Variants in SORL1 observed in about 807,000 individuals in gnomAD.
The protein encoded by SORL1 is sortilin-related receptor.
A neutral mutation model predicts 273.7 loss-of-function variants in SORL1; 127 were observed. The observed-to-expected ratio is 0.46, with a 90% CI of 0.40 to 0.54. The LOEUF (loss-of-function observed/expected upper bound fraction) is 0.54. SORL1 is among the 20% of genes least tolerant of loss of function. The pLI, the probability that SORL1 is intolerant of heterozygous loss-of-function variation, is 0.00. For synonymous variants in SORL1, 1,031 were observed against 1,067.4 expected (o/e 0.97, Z 0.66); for missense variants, 2,494 against 2,846.1 (o/e 0.88, Z 2.81).
chr11:121,483,353 T>C (rs1167344389), intron 3 of SORL1, among the ~76,000 whole-genome samples: 1 of 152,228 alleles, frequency 6.6e-6, no homozygotes, highest in East Asian at 1.9e-4. Flanking sequence ...AGGTTGGTCC[T>C]AGGTAAAATT....
rs1323894592 is a variant in SORL1 at position 121,495,246 on chromosome 11, A to AT, written c.759-1616dup. Among the ~76,000 whole-genome samples the AT allele has an allele frequency of 3.9e-5, 6 of 152,036 alleles. No homozygotes were observed. In the East Asian group the frequency reaches 1.2e-3, roughly 29 times the overall value. On this transcript the variant is annotated intron_variant, in intron 5 of 47. Coordinates refer to ENST00000260197, the MANE Select transcript of SORL1 (RefSeq NM_003105.6). ...AGGTGTACGCCAGCATACCTGGCTA[A>AT]TTTTTTTAAATTTATTTTTTGTAGA...
In SORL1 at chr11:121,595,809, T is replaced by C; in HGVS notation, c.4519+37T>C. Reference sequence around the variant, plus strand: ...GAGAGCCCTTCACCCCCTGGGCACGTTTCTGCAGAGAGCACAGTTCTGGTG... The same window carrying C: ...GAGAGCCCTTCACCCCCTGGGCACGCTTCTGCAGAGAGCACAGTTCTGGTG... On this transcript the variant is annotated intron_variant, in intron 32 of 47. Coordinates refer to ENST00000260197, the MANE Select transcript of SORL1 (RefSeq NM_003105.6). This position sits in a 1 kb window ranked among gnomAD's most constrained non-coding sequence, Gnocchi z 5.1. 1 of 1,602,460 alleles carries C rather than the reference T, an allele frequency of 6.2e-7. No homozygotes were observed. The highest frequency in any genetic ancestry group is 8.5e-7 in the Non-Finnish European group (1 of 1,177,518).
chr11:121,612,452 A>G (rs1863579849), intron 39 of SORL1: 1 of 261,588 alleles, frequency 3.8e-6, no homozygotes, highest in African/African-American at 2.3e-5. Flanking sequence ...ACCTTTATTA[A>G]TTGGTTCTCG....
chr11:121,534,210 G>C (rs1479571322), intron 12 of SORL1, among the ~76,000 whole-genome samples: 1 of 152,208 alleles, frequency 6.6e-6, no homozygotes, highest in African/African-American at 2.4e-5. Context: ...ATGGCTTTCA[G>C]ATTTCAGAGT....
At chr11:121,466,781 AG>A (rs1861088276) in intron 1 of SORL1, among the ~76,000 whole-genome samples, 1 of 152,108 alleles carries the variant, frequency 6.6e-6, no homozygotes, top group Non-Finnish European at 1.5e-5. Context: ...TCTTATGACC[AG>A]GATGTGCCTG....
chr11:121,512,938 T>C (rs1861899913), intron 6 of SORL1, 65 bp from the exon 7 acceptor site: 1 of 1,098,730 alleles, frequency 9.1e-7, no homozygotes, highest in South Asian at 1.3e-5. Context: ...CTATTTTTAT[T>C]TTTGCTGCTT....
At chr11:121,492,376 AAAT>A (rs1242072709) in intron 5 of SORL1, among the ~76,000 whole-genome samples, 3 of 152,140 alleles carry the variant, frequency 2.0e-5, no homozygotes, top group African/African-American at 7.2e-5. Flanking sequence ...ATAAATAAAT[AAAT>A]AATAACTGTC....
At chr11:121,497,635 G>A (rs916591863) in intron 6 of SORL1, among the ~76,000 whole-genome samples, 1 of 152,168 alleles carries the variant, frequency 6.6e-6, no homozygotes, top group Non-Finnish European at 1.5e-5. Flanking sequence ...GAAATGGTGG[G>A]CTTGCTCATT....
At chr11:121,455,716 A>G (rs1240420767) in intron 1 of SORL1, among the ~76,000 whole-genome samples, 2 of 152,216 alleles carry the variant, frequency 1.3e-5, no homozygotes, top group Non-Finnish European at 2.9e-5. Flanking sequence ...TTTTCTGCCC[A>G]TGTTCAAGGC....
chr11:121,463,918 GT>G (rs1234536328), intron 1 of SORL1, among the ~76,000 whole-genome samples: 2 of 152,174 alleles, frequency 1.3e-5, no homozygotes, highest in African/African-American at 4.8e-5. Context: ...CAAAGGGATG[GT>G]TTGGGAAAAC....
intron 38 of SORL1, chr11:121,609,179 A>G (rs904884829): frequency 1.3e-5 from 2 of 152,240 alleles, no homozygotes; most frequent in African/African-American, 2.4e-5. Flanking sequence ...GTGGCATGCA[A>G]TAGGACTGGA....
chr11:121,509,602 G>A (rs948995763), intron 6 of SORL1, among the ~76,000 whole-genome samples: 6 of 151,934 alleles, frequency 3.9e-5, no homozygotes, highest in Admixed American at 2.0e-4. Flanking sequence ...TCAGCCTCCC[G>A]AGTAGCTGGG....
chr11:121,611,783 C>T (rs905203679), intron 39 of SORL1: 4 of 152,326 alleles, frequency 2.6e-5, no homozygotes, highest in African/African-American at 4.8e-5. Flanking sequence ...CCTTCAGAGT[C>T]TTTCTGCCAT....
At chr11:121,564,732 C>T (rs1369577814) in intron 21 of SORL1, among the ~76,000 whole-genome samples, 1 of 151,048 alleles carries the variant, frequency 6.6e-6, no homozygotes, top group African/African-American at 2.4e-5. Flanking sequence ...GTGTACCCGG[C>T]TAATTTTGCT....
Position 121,497,011 on chromosome 11 carries a change from C to T in SORL1, c.901C>T (p.Gln301Ter). ...EVILEEVRDF[Q>*]LRDKYMFATK... ...GATCCTTGAGGAAGTGAGAGATTTT[C>T]AGCTTCGGGACAAGTACATGTTTGC... Residue 301 changes from glutamine to a stop codon, truncating the protein, a stop_gained, in exon 6 of 48, where the codon CAG becomes TAG. Coordinates refer to ENST00000260197, the MANE Select transcript of SORL1 (RefSeq NM_003105.6). LOFTEE classifies it high-confidence loss of function. The T allele has an allele frequency of 6.2e-7, 1 of 1,614,098 alleles. No homozygotes were observed. The highest frequency in any genetic ancestry group is 8.5e-7 in the Non-Finnish European group (1 of 1,180,010).
chr11:121,532,449 A>T lies in SORL1; in HGVS notation c.1597-15A>T, dbSNP rs1186795480. 1 of 1,613,534 alleles carries T rather than the reference A, an allele frequency of 6.2e-7. No homozygotes were observed. On this transcript the variant is annotated splice_polypyrimidine_tract_variant and intron_variant, in intron 11 of 47. Transcript: ENST00000260197. The stretch of plus-strand genomic sequence containing the variant: ...CTCCACAGCAGTGGTGTCACCATGG[A>T]TTTTTCCTCTTCAGGCACTTCCTGG...
intron 22 of SORL1, among the ~76,000 whole-genome samples, chr11:121,569,523 G>A (rs184993123): frequency 6.6e-6 from 1 of 152,154 alleles, no homozygotes; most frequent in Admixed American, 6.5e-5. Flanking sequence ...TCGAGGGGCG[G>A]CCATCTTTTA....
In SORL1 at chr11:121,546,215, GAT is replaced by G. The variant is rs531170037; in HGVS notation, c.2051+788_2051+789del. ...TGACAATTGGAGATGAGGCTGAAAA[GAT>G]AGAATACAGTAGGGGAGAAAGACCT... On this transcript the variant is annotated intron_variant, in intron 14 of 47. Transcript: ENST00000260197. Among the ~76,000 whole-genome samples the G allele has an allele frequency of 2.2e-3, 330 of 152,316 alleles. 5 individuals carry two copies. Among genetic ancestry groups the G allele is most frequent in the African/African-American group, 7.5e-3 (310 of 41,570 alleles).
At position 121,618,816 on chromosome 11, in the gene SORL1, C is replaced by G; in HGVS notation, c.5647C>G (p.Arg1883Gly). 6.2e-7 allele frequency: 1 copy of G among 1,614,048 alleles called. No individual in the cohort carries two copies. The highest frequency in any genetic ancestry group is 8.5e-7 in the Non-Finnish European group (1 of 1,179,920). Residue 1883 changes from arginine to glycine, a missense_variant, in exon 42 of 48, where the codon CGC becomes GGC. Arg to Gly is a moderately radical substitution (Grantham distance 125). Around this residue, in one of 3 missense-constraint regions of SORL1, gnomAD observed 1,609 missense variants for 1,816.4 expected, o/e 0.89. Coordinates refer to ENST00000260197, the MANE Select transcript of SORL1 (RefSeq NM_003105.6). ...FYATSFLDLY[R>G]NPKSLTTSLH... is the part of the protein sequence containing the mutation. ...TGCCACGTCCTTTCTTGACCTCTAT[C>G]GCAACCCGAAGAGCTTGACTACTTC...
Sources: gnomAD v4.1 joint callset for allele counts (sites outside exome capture counted in the v4.1 genomes callset) on GRCh38, gnomAD v4.1.1 for gene constraint, gnomAD v4.1.1 regional missense constraint, Gnocchi (gnomAD v3.1) non-coding constraint, MANE v1.5 for transcripts, NCBI Gene and HGNC (gene_info 2026-07-23, HGNC 2026-07-21) for gene names.